The following NAV3 variants were observed in gnomAD, a reference collection of about 807,000 sequenced individuals.
The protein encoded by NAV3 is neuron navigator 3.
A neutral mutation model predicts 244.7 loss-of-function variants in NAV3; 87 were observed. The observed-to-expected ratio is 0.36, with a 90% CI of 0.30 to 0.42. NAV3 has a LOEUF of 0.42. Ranked by LOEUF, NAV3 falls within the 20% of genes least tolerant of loss-of-function variation. The pLI is 1.00. For missense variants in NAV3, 2,663 were observed against 2,893.3 expected, an observed-to-expected ratio of 0.92 and a Z score of 1.83; for synonymous variants, 1,126 against 1,042.2, an observed-to-expected ratio of 1.08 and a Z score of -1.55.
intron 3 of NAV3, among the ~76,000 whole-genome samples, chr12:77,956,696 A>G (rs1346258646): frequency 6.6e-6 from 1 of 151,672 alleles, no homozygotes; most frequent in Non-Finnish European, 1.5e-5. Context: ...CCTCCTTCTG[A>G]TGCTTGTCTA....
At chr12:77,665,620 A>G (rs1009067413) in intron 2 of NAV3, among the ~76,000 whole-genome samples, 5 of 152,202 alleles carry the variant, frequency 3.3e-5, no homozygotes, top group Admixed American at 2.0e-4. Context: ...GATTTTTTTG[A>G]GTTATAAATA....
chr12:77,621,461 CT>C (rs992490703), intron 2 of NAV3, among the ~76,000 whole-genome samples: 1 of 149,596 alleles, frequency 6.7e-6, no homozygotes, highest in Non-Finnish European at 1.5e-5. Flanking sequence ...AACTCTACCT[CT>C]TTTTTTTCTC....
intron 24 of NAV3, among the ~76,000 whole-genome samples, chr12:78,174,521 G>A (rs1377158836): frequency 6.6e-6 from 1 of 151,788 alleles, no homozygotes; most frequent in East Asian, 1.9e-4. Flanking sequence ...TCAGTAGTTT[G>A]CTTTAAGAAT....
At chr12:77,615,332 A>G (rs926952706) in intron 2 of NAV3, among the ~76,000 whole-genome samples, 5 of 152,150 alleles carry the variant, frequency 3.3e-5, no homozygotes, top group Middle Eastern at 3.4e-3. Context: ...GCTTGGTGTA[A>G]AAATGACCTC....
intron 2 of NAV3, among the ~76,000 whole-genome samples, chr12:77,765,501 C>G (rs1475808972): frequency 6.6e-6 from 1 of 152,116 alleles, no homozygotes; most frequent in Admixed American, 6.6e-5. Context: ...AAAGCAGCAG[C>G]AGATGACTAT....
At chr12:77,617,679 G>A (rs1408617935) in intron 2 of NAV3, among the ~76,000 whole-genome samples, 1 of 152,120 alleles carries the variant, frequency 6.6e-6, no homozygotes, top group Non-Finnish European at 1.5e-5. Flanking sequence ...TTAAGGGTAT[G>A]GTGGAGAGTG....
At chr12:78,048,468 A>T (rs1882211248) in intron 9 of NAV3, among the ~76,000 whole-genome samples, 1 of 152,176 alleles carries the variant, frequency 6.6e-6, no homozygotes, top group East Asian at 1.9e-4. Flanking sequence ...TTTAACAGTC[A>T]GGCCCCTCTG....
At chr12:77,802,995 G>A (rs1260649950) in intron 2 of NAV3, among the ~76,000 whole-genome samples, 1 of 151,988 alleles carries the variant, frequency 6.6e-6, no homozygotes, top group Non-Finnish European at 1.5e-5. Context: ...AGACACTTTA[G>A]GATAGTTTAA....
intron 2 of NAV3, among the ~76,000 whole-genome samples, chr12:77,778,328 A>C (rs1592674741): frequency 6.6e-6 from 1 of 150,410 alleles, no homozygotes; most frequent in Middle Eastern, 3.4e-3. Context: ...GAATGCATTT[A>C]TAGGCCGGGC....
chr12:78,186,034 G>A (rs1339154656), intron 31 of NAV3, among the ~76,000 whole-genome samples: 3 of 151,816 alleles, frequency 2.0e-5, no homozygotes, highest in African/African-American at 7.2e-5. Context: ...TGTTTATGAT[G>A]TGCAGTCGCT....
chr12:78,011,491 A>C (rs1231501021), intron 8 of NAV3, among the ~76,000 whole-genome samples: 2 of 152,194 alleles, frequency 1.3e-5, no homozygotes, highest in Non-Finnish European at 2.9e-5. Context: ...AATGGAGTAA[A>C]CTAATGCATC....
chr12:78,029,938 C>T lies in NAV3; in HGVS notation c.2023+8076C>T, dbSNP rs561068638. ...CAGATTGTACAATCCTGTTAGGTGA[C>T]TGAGATAGAGACACCTTTGATTTCT... is the stretch of plus-strand genomic sequence containing the variant. On this transcript the variant is annotated intron_variant, in intron 9 of 39. Transcript: ENST00000397909. Among the ~76,000 whole-genome samples, 4 of 152,242 alleles carry T rather than the reference C, an allele frequency of 2.6e-5. No homozygotes were observed. In the East Asian group the frequency reaches 7.7e-4, roughly 29 times the overall value.
At chr12:78,079,254 CAG>C (rs945884290) in intron 12 of NAV3, among the ~76,000 whole-genome samples, 12 of 151,996 alleles carry the variant, frequency 7.9e-5, no homozygotes, top group Non-Finnish European at 5.9e-5. Context: ...AATGAAAAGA[CAG>C]TGTGAGATTT....
intron 9 of NAV3, among the ~76,000 whole-genome samples, chr12:78,028,850 C>T (rs1046526946): frequency 6.6e-6 from 1 of 152,144 alleles, no homozygotes; most frequent in African/African-American, 2.4e-5. Context: ...CATGTACTTT[C>T]CCCGAAATGT....
chr12:78,145,560 A>T (rs1234810557), intron 20 of NAV3, among the ~76,000 whole-genome samples: 1 of 152,178 alleles, frequency 6.6e-6, no homozygotes, highest in African/African-American at 2.4e-5. Flanking sequence ...AGAATAAGGG[A>T]GCTTCCCAAA....
At chr12:77,744,058 TTGTAAAAA>T (rs1478429146) in intron 2 of NAV3, among the ~76,000 whole-genome samples, 1 of 151,978 alleles carries the variant, frequency 6.6e-6, no homozygotes, top group East Asian at 1.9e-4. Context: ...TATTTTCTTT[TTGTAAAAA>T]TCAACAAAAA....
intron 2 of NAV3, among the ~76,000 whole-genome samples, chr12:77,699,277 G>T (rs1047887575): frequency 1.3e-5 from 2 of 152,070 alleles, no homozygotes; most frequent in Non-Finnish European, 2.9e-5. Context: ...ACAGACGTTT[G>T]TGCGTTATTC....
chr12:77,968,804 C>A, intron 5 of NAV3, 102 bp downstream of exon 5: 1 of 1,112,746 alleles, frequency 9.0e-7, no homozygotes, highest in Non-Finnish European at 1.3e-6. Context: ...TACTCATGTG[C>A]TTGTATCAGT....
At chr12:77,986,641 A>C (rs1870566539) in intron 5 of NAV3, among the ~76,000 whole-genome samples, 1 of 152,126 alleles carries the variant, frequency 6.6e-6, no homozygotes, top group African/African-American at 2.4e-5. Flanking sequence ...TCATATATAC[A>C]TATATATGAC....
Sources: allele counts gnomAD v4.1 joint callset (sites outside exome capture counted in the v4.1 genomes callset), GRCh38; gene constraint gnomAD v4.1.1; transcripts MANE v1.5; gene names NCBI Gene and HGNC (gene_info 2026-07-23, HGNC 2026-07-21).